CDH12: variants seen among roughly 807,000 people sequenced by gnomAD.
CDH12 encodes the protein cadherin-12.
CDH12 carries 41 observed loss-of-function variants against 74.1 expected under a neutral mutation model. The observed-to-expected ratio is 0.55, with a 90% CI of 0.43 to 0.72. The LOEUF (loss-of-function observed/expected upper bound fraction) is 0.72, where lower values mean the gene tolerates loss of function less well. CDH12 is among the 30% of genes least tolerant of loss of function. The pLI is 0.00. For synonymous variants in CDH12, 399 were observed against 355.0 expected (o/e 1.12, Z -1.39); for missense variants, 945 against 977.2 (o/e 0.97, Z 0.44).
intron 3 of CDH12, among the ~76,000 whole-genome samples, chr5:22,384,673 T>C (rs1265756112): frequency 1.3e-5 from 2 of 152,172 alleles, no homozygotes; most frequent in East Asian, 1.9e-4. Context: ...GATCTTGGCA[T>C]GAATTCACAA....
intron 5 of CDH12, among the ~76,000 whole-genome samples, chr5:22,027,284 TTG>T (rs1738431754): frequency 6.6e-6 from 1 of 152,266 alleles, no homozygotes; most frequent in Middle Eastern, 3.4e-3. Flanking sequence ...TCTTTTTTGG[TTG>T]TGTCTCTGCC....
At chr5:22,819,686 A>G (rs1749569471) in intron 1 of CDH12, among the ~76,000 whole-genome samples, 1 of 151,882 alleles carries the variant, frequency 6.6e-6, no homozygotes, top group African/African-American at 2.4e-5. Flanking sequence ...AGAGAATAAG[A>G]CATGTAACAA....
intron 2 of CDH12, among the ~76,000 whole-genome samples, chr5:22,437,576 T>TAAAAAC (rs1475927762): frequency 1.9e-5 from 2 of 106,116 alleles, no homozygotes; most frequent in East Asian, 5.4e-4. Context: ...TAAATAAAAA[T>TAAAAAC]AATTCCAAGG....
chr5:22,818,804 G>A (rs912360969), intron 1 of CDH12, among the ~76,000 whole-genome samples: 1 of 152,098 alleles, frequency 6.6e-6, no homozygotes, highest in Non-Finnish European at 1.5e-5. Context: ...CCTAGAAAAG[G>A]AAATCCATTG....
At chr5:21,899,084 C>A (rs1002263253) in intron 6 of CDH12, among the ~76,000 whole-genome samples, 1 of 152,150 alleles carries the variant, frequency 6.6e-6, no homozygotes, top group African/African-American at 2.4e-5. Flanking sequence ...TTGTTCCCTC[C>A]TACCTTTTCT....
intron 4 of CDH12, among the ~76,000 whole-genome samples, chr5:22,179,289 GTGT>G (rs1434593472): frequency 6.6e-6 from 1 of 152,110 alleles, no homozygotes; most frequent in Non-Finnish European, 1.5e-5. Context: ...GTGATTATTT[GTGT>G]TGTTATCAAA....
intron 1 of CDH12, among the ~76,000 whole-genome samples, chr5:22,623,744 G>A (rs1371064446): frequency 2.6e-5 from 4 of 152,042 alleles, no homozygotes; most frequent in Admixed American, 1.3e-4. Flanking sequence ...ACTGCCCAAG[G>A]TAATTTATAG....
chr5:22,606,084 G>T (rs938608772), intron 1 of CDH12, among the ~76,000 whole-genome samples: 3 of 152,200 alleles, frequency 2.0e-5, no homozygotes, highest in African/African-American at 7.2e-5. Context: ...TGGCCTCAAA[G>T]TTGAGGAAGG....
intron 1 of CDH12, among the ~76,000 whole-genome samples, chr5:22,542,683 G>T (rs1055473160): frequency 6.6e-6 from 1 of 152,186 alleles, no homozygotes; most frequent in Admixed American, 6.6e-5. Flanking sequence ...TTCTCATGAG[G>T]TGCAAGAGCA....
chr5:22,416,429 A>G (rs1743396388), intron 2 of CDH12, among the ~76,000 whole-genome samples: 1 of 152,156 alleles, frequency 6.6e-6, no homozygotes, highest in Non-Finnish European at 1.5e-5. Flanking sequence ...GCCAGTGGAC[A>G]TCTATATACT....
At chr5:22,416,109 C>T (rs1202157277) in intron 2 of CDH12, among the ~76,000 whole-genome samples, 1 of 118,864 alleles carries the variant, frequency 8.4e-6, no homozygotes, top group Non-Finnish European at 1.6e-5. Context: ...GAGTCTCGCT[C>T]TGTGGCCCAG....
intron 1 of CDH12, among the ~76,000 whole-genome samples, chr5:22,608,208 AAAG>A (rs1737217365): frequency 6.6e-6 from 1 of 152,230 alleles, no homozygotes; most frequent in Non-Finnish European, 1.5e-5. Context: ...TATTCCCTGC[AAAG>A]CCACAGGGTT....
intron 3 of CDH12, among the ~76,000 whole-genome samples, chr5:22,381,324 CAA>C (rs1289498160): frequency 3.3e-5 from 5 of 151,856 alleles, no homozygotes; most frequent in African/African-American, 1.2e-4. Flanking sequence ...TTCAAAATCT[CAA>C]AAGTGTCAAT....
intron 1 of CDH12, among the ~76,000 whole-genome samples, chr5:22,638,506 G>A (rs1424231219): frequency 6.6e-6 from 1 of 152,096 alleles, no homozygotes; most frequent in African/African-American, 2.4e-5. Flanking sequence ...CTAGCTGTCT[G>A]AAGCTGATTA....
At chr5:22,096,015 T>G (rs1743759113) in intron 4 of CDH12, among the ~76,000 whole-genome samples, 2 of 151,944 alleles carry the variant, frequency 1.3e-5, no homozygotes, top group Non-Finnish European at 2.9e-5. Flanking sequence ...TTCCTGCTTT[T>G]CTGGAGGGTA....
chr5:22,186,319 A>G (rs1749944552), intron 4 of CDH12, among the ~76,000 whole-genome samples: 1 of 152,198 alleles, frequency 6.6e-6, no homozygotes, highest in African/African-American at 2.4e-5. Flanking sequence ...CTTCATTTTG[A>G]TTTGAATTTA....
chr5:21,775,924 C>G (rs764084415), intron 11 of CDH12, among the ~76,000 whole-genome samples: 9 of 152,110 alleles, frequency 5.9e-5, no homozygotes, highest in Non-Finnish European at 1.0e-4. Context: ...AGGCAAGCTT[C>G]TATAATGGCT....
At chr5:22,088,711 C>T (rs1407840010) in intron 4 of CDH12, among the ~76,000 whole-genome samples, 2 of 152,134 alleles carry the variant, frequency 1.3e-5, no homozygotes, top group South Asian at 2.1e-4. Flanking sequence ...TAGTAAAAAC[C>T]CAGCAGGTAG....
At chr5:21,823,961 T>G (rs1748516778) in intron 8 of CDH12, among the ~76,000 whole-genome samples, 1 of 152,106 alleles carries the variant, frequency 6.6e-6, no homozygotes, top group Admixed American at 6.6e-5. Flanking sequence ...AAGACAATGG[T>G]GAGTAAATGA....
Sources: allele counts gnomAD v4.1 joint callset (sites outside exome capture counted in the v4.1 genomes callset), GRCh38; gene constraint gnomAD v4.1.1; transcripts MANE v1.5; gene names NCBI Gene and HGNC (gene_info 2026-07-23, HGNC 2026-07-21).